Variants in GRAMD1B observed in about 807,000 individuals in gnomAD.
GRAMD1B encodes the protein protein Aster-B.
Under a neutral mutation model 99.7 loss-of-function variants are expected in GRAMD1B, and 37 were observed. The ratio of observed to expected loss-of-function variants is 0.37; its 90% CI spans 0.29 to 0.49. The LOEUF (loss-of-function observed/expected upper bound fraction) is 0.49, where lower values mean the gene tolerates loss of function less well. GRAMD1B is among the 20% of genes least tolerant of loss of function. GRAMD1B has a pLI of 0.98. For synonymous variants in GRAMD1B, 427 were observed against 387.6 expected (o/e 1.10, Z -1.19); for missense variants, 888 against 1,009.2 (o/e 0.88, Z 1.63).
At chr11:123,443,485 T>C (rs1251544442) in intron 1 of GRAMD1B, among the ~76,000 whole-genome samples, 1 of 152,212 alleles carries the variant, frequency 6.6e-6, no homozygotes. Flanking sequence ...GAGGTATATA[T>C]TGGTTTGGTC....
At chr11:123,617,332 T>C (rs900997002) in intron 17 of GRAMD1B, among the ~76,000 whole-genome samples, 1 of 152,028 alleles carries the variant, frequency 6.6e-6, no homozygotes, top group African/African-American at 2.4e-5. Flanking sequence ...CACAGGTGCA[T>C]GTCACCACAC....
At position 123,499,413 on chromosome 11, in the gene GRAMD1B, G is replaced by T. The variant is rs1056030892; in HGVS notation, c.452+18520G>T. ...TATTCTGTTATCGCAACAGAAAAAA[G>T]GACTAAAATACCCAGGGACACAACT... On this transcript the variant is annotated intron_variant, in intron 2 of 19. Transcript: ENST00000635736. Among the ~76,000 whole-genome samples the T allele has an allele frequency of 2.6e-5, 4 of 152,116 alleles. No individual in the cohort carries two copies. The East Asian group carries it at 7.7e-4, about 29-fold the overall frequency.
At chr11:123,575,672 G>A (rs1948632071) in intron 2 of GRAMD1B, among the ~76,000 whole-genome samples, 1 of 152,138 alleles carries the variant, frequency 6.6e-6, no homozygotes, top group Non-Finnish European at 1.5e-5. Context: ...CGCTTCCCCA[G>A]GGGTTGTGCA....
rs186156746 is a variant in GRAMD1B at position 123,518,796 on chromosome 11, C to T, written c.452+37903C>T. 2.2e-3 allele frequency among the ~76,000 whole-genome samples: 337 copies of T among 152,278 alleles called. 3 individuals are homozygous for T. The highest frequency in any genetic ancestry group is 1.2e-3 in the Non-Finnish European group (85 of 68,006). On this transcript the variant is annotated intron_variant, in intron 2 of 19. Coordinates refer to ENST00000635736, the MANE Select transcript of GRAMD1B (RefSeq NM_001387025.1). ...CCACGGAAGCCCTGGCTGCCTCAGT[C>T]TTGCTTCCTCCCCTTCCTAGGGGCA...
At chr11:123,594,256 C>A in intron 5 of GRAMD1B, 90 bp downstream of exon 5, 2 of 854,930 alleles carry the variant, frequency 2.3e-6, no homozygotes, top group Non-Finnish European at 4.0e-6. Flanking sequence ...AGGCCTCAAG[C>A]CAACCCAGGT....
intron 1 of GRAMD1B, among the ~76,000 whole-genome samples, chr11:123,441,145 G>A (rs1367953464): frequency 1.3e-5 from 2 of 152,152 alleles, no homozygotes; most frequent in African/African-American, 4.8e-5. Context: ...TAATACAGGG[G>A]AGCAGGGTTG....
chr11:123,474,782 AT>A (rs1951185193), intron 1 of GRAMD1B, among the ~76,000 whole-genome samples: 1 of 152,182 alleles, frequency 6.6e-6, no homozygotes, highest in African/African-American at 2.4e-5. Flanking sequence ...GCAGCTTCTA[AT>A]TAGCATGAGA....
At chr11:123,466,148 C>T (rs765397910) in intron 1 of GRAMD1B, among the ~76,000 whole-genome samples, 59 of 151,722 alleles carry the variant, frequency 3.9e-4, no homozygotes, top group African/African-American at 1.1e-3. Context: ...TGGTGGTGGA[C>T]GCCTGTTATA....
chr11:123,415,091 C>CTTTTTTTTTT (rs1948184246), intron 1 of GRAMD1B, among the ~76,000 whole-genome samples: 1 of 96,560 alleles, frequency 1.0e-5, no homozygotes, highest in African/African-American at 3.9e-5. Flanking sequence ...TTTTCTTTTT[C>CTTTTTTTTTT]TTTCTTTTTT....
intron 14 of GRAMD1B, among the ~76,000 whole-genome samples, chr11:123,611,188 A>C (rs916636594): frequency 8.5e-5 from 12 of 140,882 alleles, no homozygotes; most frequent in Non-Finnish European, 1.7e-4. Context: ...ATATTCACAC[A>C]TTTTGGGAGG....
chr11:123,618,344 G>T, intron 17 of GRAMD1B: 3 of 1,612,714 alleles, frequency 1.9e-6, no homozygotes, highest in South Asian at 2.2e-5. Flanking sequence ...GCTCCCATTA[G>T]GATCTGTTTC....
chr11:123,532,179 T>A (rs1229688967), intron 2 of GRAMD1B, among the ~76,000 whole-genome samples: 1 of 152,202 alleles, frequency 6.6e-6, no homozygotes, highest in Non-Finnish European at 1.5e-5. Context: ...TCTTGATCAC[T>A]CCAAGTCCCC....
intron 1 of GRAMD1B, among the ~76,000 whole-genome samples, chr11:123,439,126 G>T (rs192214266): frequency 6.6e-6 from 1 of 152,196 alleles, no homozygotes; most frequent in South Asian, 2.1e-4. Flanking sequence ...TTATTGTCTT[G>T]GGGGGTGGGA....
At chr11:123,437,955 C>T (rs1342690479) in intron 1 of GRAMD1B, among the ~76,000 whole-genome samples, 2 of 152,128 alleles carry the variant, frequency 1.3e-5, no homozygotes, top group Non-Finnish European at 2.9e-5. Context: ...ATATGAGAAG[C>T]ACAGGAAGTG....
chr11:123,468,140 G>A (rs915461656), intron 1 of GRAMD1B, among the ~76,000 whole-genome samples: 17 of 152,148 alleles, frequency 1.1e-4, no homozygotes, highest in African/African-American at 3.4e-4. Flanking sequence ...GGGATTACAG[G>A]TGTGAGTCAC....
In GRAMD1B at chr11:123,410,096, A is replaced by C. The variant is rs533155615; in HGVS notation, c.-176+51297A>C. 1.3e-4 allele frequency among the ~76,000 whole-genome samples: 20 copies of C among 152,294 alleles called. No individual in the cohort carries two copies. The South Asian group carries it at 4.1e-3, about 32-fold the overall frequency. Reference sequence around the variant, plus strand: ...TCCTAATCAGCACAGGGAGGCCTGCAGGCGGCTGAGACTATGAGGTTTATG... The same window carrying C: ...TCCTAATCAGCACAGGGAGGCCTGCCGGCGGCTGAGACTATGAGGTTTATG... On this transcript the variant is annotated intron_variant, in intron 1 of 20. Coordinates refer to the GRAMD1B transcript ENST00000638157.
chr11:123,594,292 G>A (rs556730261), intron 5 of GRAMD1B, 126 bp downstream of exon 5: 34 of 705,056 alleles, frequency 4.8e-5, no homozygotes, highest in Non-Finnish European at 8.0e-5. Flanking sequence ...GAGAGAGGCT[G>A]TCCAGACCCC....
chr11:123,459,946 T>C (rs1376937098), intron 1 of GRAMD1B: 3 of 152,230 alleles, frequency 2.0e-5, no homozygotes, highest in African/African-American at 7.2e-5. Flanking sequence ...ATCAACATCC[T>C]TTTTATGTTC....
chr11:123,391,672 T>A (rs771217718), intron 1 of GRAMD1B, among the ~76,000 whole-genome samples: 2 of 152,142 alleles, frequency 1.3e-5, no homozygotes, highest in Non-Finnish European at 2.9e-5. Context: ...GTCAGGCTGG[T>A]CTTGAACTCT....
Sources: allele counts gnomAD v4.1 joint callset (sites outside exome capture counted in the v4.1 genomes callset), GRCh38; gene constraint gnomAD v4.1.1; transcripts MANE v1.5; gene names NCBI Gene and HGNC (gene_info 2026-07-23, HGNC 2026-07-21).